Variants in FAM135B observed in about 807,000 individuals in gnomAD.
FAM135B encodes protein FAM135B.
Under a neutral mutation model 127.7 loss-of-function variants are expected in FAM135B, and 43 were observed. The ratio of observed to expected loss-of-function variants is 0.34; its 90% CI spans 0.26 to 0.43. The LOEUF (loss-of-function observed/expected upper bound fraction) is 0.43, where lower values mean the gene tolerates loss of function less well. Ranked by LOEUF, FAM135B falls within the 20% of genes least tolerant of loss-of-function variation. The probability of loss-of-function intolerance (pLI) is 1.00; values close to 1 mark genes in which losing one functional copy is unlikely to be tolerated. For synonymous variants in FAM135B, 670 were observed against 665.1 expected, an observed-to-expected ratio of 1.01 and a Z score of -0.11; for missense variants, 1,558 against 1,725.6, an observed-to-expected ratio of 0.90 and a Z score of 1.72.
intron 9 of FAM135B, among the ~76,000 whole-genome samples, chr8:138,190,926 T>A (rs1816065240): frequency 6.6e-6 from 1 of 152,166 alleles, no homozygotes; most frequent in South Asian, 2.1e-4. Flanking sequence ...CCAATGCAGA[T>A]CTTACATGTA....
rs577957326 is a variant in FAM135B at position 138,286,429 on chromosome 8, A to G, written c.158-20587T>C. 4.6e-5 allele frequency among the ~76,000 whole-genome samples: 7 copies of G among 152,318 alleles called. No individual in the cohort carries two copies. In the Middle Eastern group the frequency reaches 0.01, roughly 222 times the overall value. Reference sequence around the variant, plus strand: ...TTGCTATGCAGTCTCTGTTTACACCATCTCCAATGGAGGAGATCAAAGAAG... The same window carrying G: ...TTGCTATGCAGTCTCTGTTTACACCGTCTCCAATGGAGGAGATCAAAGAAG... On this transcript the variant is annotated intron_variant, in intron 3 of 19. Transcript: ENST00000395297.
At chr8:138,338,111 A>C (rs1247780601) in intron 2 of FAM135B, among the ~76,000 whole-genome samples, 2 of 152,240 alleles carry the variant, frequency 1.3e-5, no homozygotes, top group Non-Finnish European at 2.9e-5. Context: ...AATTAATTCA[A>C]GATGTATTAA....
In FAM135B at chr8:138,151,931, G is replaced by C. The variant is rs1423873674; in HGVS notation, c.2544C>G (p.Pro848=). 2.5e-6 allele frequency: 4 copies of C among 1,614,030 alleles called. No homozygotes were observed. Among genetic ancestry groups the C allele is most frequent in the Non-Finnish European group, 3.4e-6 (4 of 1,180,040 alleles). ...NQQGPGYIDI[P]KGKGKQFDAQ... ...CATCAAACTGCTTCCCTTTCCCTTT[G>C]GGGATGTCTATGTATCCGGGGCCCT... Residue 848 remains proline, a synonymous_variant, in exon 13 of 20, where the codon CCC becomes CCG. Transcript: ENST00000395297.
intron 3 of FAM135B, among the ~76,000 whole-genome samples, chr8:138,277,367 C>T (rs1387180903): frequency 2.0e-5 from 3 of 152,160 alleles, no homozygotes; most frequent in Admixed American, 2.0e-4. Context: ...TCCTTGATAC[C>T]CATGCACTCT....
At chr8:138,331,695 GTAGCATCCCC>G (rs2130996453) in intron 2 of FAM135B, among the ~76,000 whole-genome samples, 1 of 152,334 alleles carries the variant, frequency 6.6e-6, no homozygotes, top group East Asian at 1.9e-4. Flanking sequence ...GGGGTGAACA[GTAGCATCCCC>G]AAAGCCTGCA....
At chr8:138,470,258 G>A (rs973304127) in intron 1 of FAM135B, among the ~76,000 whole-genome samples, 2 of 152,118 alleles carry the variant, frequency 1.3e-5, no homozygotes, top group Non-Finnish European at 2.9e-5. Flanking sequence ...AGGAACAAGA[G>A]CAGGAACAAA....
chr8:138,141,140 C>T lies in FAM135B; in HGVS notation c.3790+58G>A, dbSNP rs1438272721. The T allele has an allele frequency of 6.4e-7, 1 of 1,567,154 alleles. No homozygotes were observed. Among genetic ancestry groups the T allele is most frequent in the Non-Finnish European group, 8.7e-7 (1 of 1,144,750 alleles). Reference sequence around the variant, plus strand: ...AAGTGGAAGTACCTGTGCCCGGTTTCACGCCCCAGAGGCCCCAGATTAATT... The same window carrying T: ...AAGTGGAAGTACCTGTGCCCGGTTTTACGCCCCAGAGGCCCCAGATTAATT... On this transcript the variant is annotated intron_variant, in intron 17 of 19. Transcript: ENST00000395297. This position sits in a 1 kb window ranked among gnomAD's most constrained non-coding sequence, Gnocchi z 4.7.
At chr8:138,213,347 A>G (rs747450963) in intron 7 of FAM135B, among the ~76,000 whole-genome samples, 192 of 152,330 alleles carry the variant, frequency 1.3e-3, no homozygotes, top group Non-Finnish European at 1.9e-3. Flanking sequence ...TGTCATTATT[A>G]GTGTTAATTC....
chr8:138,225,467 AAAAAAAC>A (rs1819350334), intron 7 of FAM135B, among the ~76,000 whole-genome samples: 1 of 146,958 alleles, frequency 6.8e-6, no homozygotes, highest in Non-Finnish European at 1.5e-5. Flanking sequence ...AAAAAAAAAC[AAAAAAAC>A]AAAAAAAACA....
At chr8:138,495,439 A>G (rs906170742) in intron 1 of FAM135B, among the ~76,000 whole-genome samples, 1 of 152,200 alleles carries the variant, frequency 6.6e-6, no homozygotes, top group Non-Finnish European at 1.5e-5. Context: ...TCCAGATGAG[A>G]GGTTGGCCAA....
intron 3 of FAM135B, among the ~76,000 whole-genome samples, chr8:138,297,395 C>T (rs961259416): frequency 2.0e-5 from 3 of 152,208 alleles, no homozygotes; most frequent in Non-Finnish European, 4.4e-5. Context: ...CAAAGTCTCA[C>T]CATTTTAGAG....
chr8:138,245,358 G>T (rs548175632), intron 6 of FAM135B, among the ~76,000 whole-genome samples: 3 of 152,138 alleles, frequency 2.0e-5, no homozygotes, highest in African/African-American at 7.2e-5. Context: ...TGTAGTTTTT[G>T]TAATACCCAC....
chr8:138,322,971 C>T (rs1827553087), intron 2 of FAM135B, among the ~76,000 whole-genome samples: 2 of 152,248 alleles, frequency 1.3e-5, no homozygotes, highest in South Asian at 2.1e-4. Flanking sequence ...TATATTTTTA[C>T]TACACAGTAT....
intron 9 of FAM135B, among the ~76,000 whole-genome samples, chr8:138,190,166 C>T (rs572165183): frequency 6.6e-6 from 1 of 152,274 alleles, no homozygotes; most frequent in South Asian, 2.1e-4. Flanking sequence ...TCTCTTAGCA[C>T]CTGCAATGCC....
chr8:138,184,593 T>C (rs1382196345), intron 9 of FAM135B, among the ~76,000 whole-genome samples: 2 of 152,140 alleles, frequency 1.3e-5, no homozygotes, highest in African/African-American at 2.4e-5. Flanking sequence ...GTCTGGGTAT[T>C]GCTGCCAAGG....
chr8:138,452,860 C>T (rs778275322), intron 1 of FAM135B, among the ~76,000 whole-genome samples: 14 of 152,076 alleles, frequency 9.2e-5, no homozygotes, highest in Non-Finnish European at 2.1e-4. Flanking sequence ...CCCGTGCACC[C>T]GTCCACGAGA....
chr8:138,247,284 C>G (rs1032674651), intron 6 of FAM135B, among the ~76,000 whole-genome samples: 2 of 152,192 alleles, frequency 1.3e-5, no homozygotes, highest in Non-Finnish European at 2.9e-5. Context: ...TTGGCTATGT[C>G]TCTACCCAAA....
intron 1 of FAM135B, among the ~76,000 whole-genome samples, chr8:138,374,868 G>A (rs9324488): frequency 0.081 from 12,354 of 152,122 alleles, 924 homozygotes; most frequent in East Asian, 0.27. Context: ...TAGGAGGAGG[G>A]CAGGACATGA....
rs867976428 is a variant in FAM135B, at chr8:138,426,413, A to G, written c.-19-58411T>C. Among the ~76,000 whole-genome samples the G allele has an allele frequency of 7.0e-4, 107 of 151,830 alleles. 1 individual carries two copies. The highest frequency in any genetic ancestry group is 1.1e-3 in the Non-Finnish European group (74 of 67,914). On this transcript the variant is annotated intron_variant, in intron 1 of 19. Coordinates refer to ENST00000395297, the MANE Select transcript of FAM135B (RefSeq NM_015912.4). Reference sequence around the variant, plus strand: ...GTATGGCTACTTTGGAAAACTATTTAGCAATATCTACTAAAACTAAGCATG... The same window carrying G: ...GTATGGCTACTTTGGAAAACTATTTGGCAATATCTACTAAAACTAAGCATG...
Sources: gnomAD v4.1 joint callset for allele counts (sites outside exome capture counted in the v4.1 genomes callset) on GRCh38, gnomAD v4.1.1 for gene constraint, Gnocchi (gnomAD v3.1) non-coding constraint, MANE v1.5 for transcripts, NCBI Gene and HGNC (gene_info 2026-07-23, HGNC 2026-07-21) for gene names.